FAM13A: variants seen among roughly 807,000 people sequenced by gnomAD.
The protein encoded by FAM13A is protein FAM13A.
Under a neutral mutation model 129.6 loss-of-function variants are expected in FAM13A, and 76 were observed. That is an observed-to-expected ratio of 0.59 (90% CI 0.49 to 0.71). The LOEUF (loss-of-function observed/expected upper bound fraction) is 0.71, where lower values mean the gene tolerates loss of function less well. Among genes scored for constraint, FAM13A ranks in the 30% least tolerant of loss-of-function variants. FAM13A has a pLI of 0.00. For missense variants in FAM13A, 1,108 were observed against 1,249.3 expected (o/e 0.89, Z 1.70); for synonymous variants, 443 against 449.9 (o/e 0.98, Z 0.20).
At position 88,883,175 on chromosome 4, in the gene FAM13A, T is replaced by C. The variant is rs1290856814; in HGVS notation, c.843+23204A>G. ...TTAAAACAAATAGACTTAAAAGATA[T>C]TTACAGAACATTCTACTAAACAACT... On this transcript the variant is annotated intron_variant, in intron 6 of 23. Coordinates refer to ENST00000264344, the MANE Select transcript of FAM13A (RefSeq NM_014883.4). Among the ~76,000 whole-genome samples, 4 of 152,088 alleles carry C rather than the reference T, an allele frequency of 2.6e-5. No homozygotes were observed. The East Asian group carries it at 7.7e-4, about 29-fold the overall frequency.
At chr4:89,030,202 T>C (rs1341459548) in intron 1 of FAM13A, among the ~76,000 whole-genome samples, 1 of 152,164 alleles carries the variant, frequency 6.6e-6, no homozygotes, top group African/African-American at 2.4e-5. Flanking sequence ...CAGTTCTTAC[T>C]GAGGTTCAAA....
intron 19 of FAM13A, among the ~76,000 whole-genome samples, chr4:88,744,664 T>C (rs1043000951): frequency 6.6e-6 from 1 of 152,216 alleles, no homozygotes; most frequent in Non-Finnish European, 1.5e-5. Context: ...AAGAAGAGTG[T>C]TGTCCGCATG....
chr4:89,007,888 A>T (rs1477808336), intron 3 of FAM13A, among the ~76,000 whole-genome samples: 1 of 152,246 alleles, frequency 6.6e-6, no homozygotes, highest in Admixed American at 6.5e-5. Flanking sequence ...GTATTAAACT[A>T]AGCAATAAGT....
At chr4:88,922,218 A>G (rs571092265) in intron 5 of FAM13A, among the ~76,000 whole-genome samples, 4 of 152,182 alleles carry the variant, frequency 2.6e-5, no homozygotes, top group Admixed American at 2.6e-4. Context: ...ACATCTACAG[A>G]ACTCTCCACC....
chr4:88,995,167 C>G (rs549775971), intron 3 of FAM13A, among the ~76,000 whole-genome samples: 1 of 144,936 alleles, frequency 6.9e-6, no homozygotes, highest in Non-Finnish European at 1.5e-5. Flanking sequence ...AATATACAAA[C>G]AGTATATTTG....
chr4:88,932,812 G>A (rs947708257), intron 5 of FAM13A, among the ~76,000 whole-genome samples: 57 of 152,188 alleles, frequency 3.7e-4, no homozygotes, highest in African/African-American at 1.2e-3. Flanking sequence ...CGAACTAATC[G>A]CTATGGAAGG....
At chr4:89,006,688 G>A (rs756250210) in intron 3 of FAM13A, among the ~76,000 whole-genome samples, 6 of 152,194 alleles carry the variant, frequency 3.9e-5, no homozygotes, top group Non-Finnish European at 7.3e-5. Context: ...TTGGTACCCC[G>A]GTCCTTGTCT....
intron 5 of FAM13A, among the ~76,000 whole-genome samples, chr4:88,924,207 A>G (rs1579302599): frequency 6.6e-6 from 1 of 152,340 alleles, no homozygotes; most frequent in East Asian, 1.9e-4. Flanking sequence ...AAACTACTTT[A>G]AAGTTCATAT....
intron 1 of FAM13A, among the ~76,000 whole-genome samples, chr4:89,046,651 A>G (rs1402497170): frequency 6.6e-6 from 1 of 151,856 alleles, no homozygotes; most frequent in Non-Finnish European, 1.5e-5. Flanking sequence ...GGAGTGCAAG[A>G]CCAGCCTGGG....
At chr4:88,954,242 T>A (rs1273804788) in intron 4 of FAM13A, among the ~76,000 whole-genome samples, 1 of 152,244 alleles carries the variant, frequency 6.6e-6, no homozygotes, top group African/African-American at 2.4e-5. Flanking sequence ...AAAAGCTTAA[T>A]ACTTATTAAC....
intron 7 of FAM13A, among the ~76,000 whole-genome samples, chr4:88,841,309 CA>C (rs982667115): frequency 5.9e-5 from 9 of 151,984 alleles, no homozygotes; most frequent in Non-Finnish European, 1.2e-4. Context: ...GCCTGACCAA[CA>C]TGGTGAAACC....
At chr4:88,945,443 G>A (rs1250566696) in intron 4 of FAM13A, among the ~76,000 whole-genome samples, 3 of 152,108 alleles carry the variant, frequency 2.0e-5, no homozygotes, top group Admixed American at 1.3e-4. Context: ...ACTCCCTATC[G>A]TAGTAAGACT....
chr4:88,884,203 C>CAA (rs147168893), intron 6 of FAM13A, among the ~76,000 whole-genome samples: 3 of 151,456 alleles, frequency 2.0e-5, no homozygotes, highest in Admixed American at 6.6e-5. Flanking sequence ...AAGGACATAA[C>CAA]AAAAAAAAGA....
intron 1 of FAM13A, among the ~76,000 whole-genome samples, chr4:89,050,940 A>T (rs969408696): frequency 6.6e-6 from 1 of 152,156 alleles, no homozygotes; most frequent in Non-Finnish European, 1.5e-5. Flanking sequence ...AAAAAAAAAG[A>T]ACTACAAAGA....
intron 7 of FAM13A, among the ~76,000 whole-genome samples, chr4:88,841,443 G>A (rs369927558): frequency 7.2e-6 from 1 of 139,388 alleles, no homozygotes; most frequent in Non-Finnish European, 1.5e-5. Flanking sequence ...GCAGTGAGCC[G>A]AGATCACGCC....
At chr4:89,011,581 T>C (rs1765741534) in intron 3 of FAM13A, among the ~76,000 whole-genome samples, 1 of 152,030 alleles carries the variant, frequency 6.6e-6, no homozygotes, top group African/African-American at 2.4e-5. Context: ...TATATAAATA[T>C]TAATTTAACA....
At chr4:88,792,054 T>C (rs528477475) in intron 8 of FAM13A, among the ~76,000 whole-genome samples, 1 of 152,220 alleles carries the variant, frequency 6.6e-6, no homozygotes, top group East Asian at 1.9e-4. Flanking sequence ...GGGAAGCTGA[T>C]TCAAATTCGT....
intron 7 of FAM13A, among the ~76,000 whole-genome samples, chr4:88,810,671 A>T (rs556576376): frequency 6.6e-6 from 1 of 152,314 alleles, no homozygotes; most frequent in Non-Finnish European, 1.5e-5. Context: ...GACTATAATC[A>T]ATTTCCCATA....
chr4:88,838,074 T>C (rs1293297948), intron 7 of FAM13A, among the ~76,000 whole-genome samples: 1 of 152,202 alleles, frequency 6.6e-6, no homozygotes, highest in Non-Finnish European at 1.5e-5. Flanking sequence ...ATAAGTAATC[T>C]AGAGATGATT....
Sources: allele counts gnomAD v4.1 joint callset (sites outside exome capture counted in the v4.1 genomes callset), GRCh38; gene constraint gnomAD v4.1.1; transcripts MANE v1.5; gene names NCBI Gene and HGNC (gene_info 2026-07-23, HGNC 2026-07-21).